Variants in CACNA1B observed in about 807,000 individuals in gnomAD.
The protein encoded by CACNA1B is voltage-dependent N-type calcium channel subunit alpha-1B.
A neutral mutation model predicts 247.2 loss-of-function variants in CACNA1B; 70 were observed. The ratio of observed to expected loss-of-function variants is 0.28; its 90% CI spans 0.23 to 0.35. The LOEUF (loss-of-function observed/expected upper bound fraction) is 0.35, where lower values mean the gene tolerates loss of function less well. CACNA1B is among the 10% of genes least tolerant of loss of function. The pLI is 1.00. For synonymous variants in CACNA1B, 1,231 were observed against 1,294.4 expected, an observed-to-expected ratio of 0.95 and a Z score of 1.05; for missense variants, 2,367 against 3,197.4, an observed-to-expected ratio of 0.74 and a Z score of 6.26.
Position 138,121,083 on chromosome 9 carries a change from C to T in CACNA1B, c.6489+202C>T, listed in dbSNP as rs1962076833. 6.6e-6 allele frequency among the ~76,000 whole-genome samples: 1 copy of T among 152,188 alleles called. No homozygotes were observed. The highest frequency in any genetic ancestry group is 1.5e-5 in the Non-Finnish European group (1 of 68,024). ...CCCCAGCTGTGTTCTCATCAAGCTC[C>T]TGCCTGGGTCACCCTGGGACAGTGG... is the stretch of plus-strand genomic sequence containing the variant. On this transcript the variant is annotated intron_variant, in intron 46 of 46. Transcript: ENST00000371372. This position sits in a 1 kb window ranked among gnomAD's most constrained non-coding sequence, Gnocchi z 6.8.
chr9:137,990,862 G>A lies in CACNA1B; in HGVS notation c.1974+4008G>A, dbSNP rs1958424056. 6.6e-6 allele frequency among the ~76,000 whole-genome samples: 1 copy of A among 152,356 alleles called. No individual in the cohort carries two copies. The highest frequency in any genetic ancestry group is 1.5e-5 in the Non-Finnish European group (1 of 68,044). ...ACCTGCAAGAGCAAAAACAGTCATTGCAGTTTGGCTCTCAGGAAGCCCCAT... is the reference window on the plus strand; with the variant it reads ...ACCTGCAAGAGCAAAAACAGTCATTACAGTTTGGCTCTCAGGAAGCCCCAT... On this transcript the variant is annotated intron_variant, in intron 15 of 46. Transcript: ENST00000371372. This position sits in a 1 kb window ranked among gnomAD's most constrained non-coding sequence, Gnocchi z 4.5.
chr9:138,013,007 A>G, intron 17 of CACNA1B, 122 bp from the exon 18 acceptor site: 1 of 692,524 alleles, frequency 1.4e-6, no homozygotes, highest in Non-Finnish European at 2.4e-6. Context: ...TCTCCACTGG[A>G]TAGAGAGCAG....
intron 36 of CACNA1B, among the ~76,000 whole-genome samples, chr9:138,083,140 C>G (rs1960581681): frequency 1.3e-5 from 2 of 151,180 alleles, no homozygotes; most frequent in African/African-American, 4.9e-5. Context: ...AGAGACAAAG[C>G]CAACACTGCT....
rs772548355 is a variant in CACNA1B, at chr9:137,971,574, C to T, written c.1525C>T (p.Arg509Trp). 7.4e-6 allele frequency: 12 copies of T among 1,612,928 alleles called. No homozygotes were observed. Among genetic ancestry groups the T allele is most frequent in the South Asian group, 3.3e-5 (3 of 90,936 alleles). The change falls in exon 11 of 47, where the codon CGG becomes TGG. Residue 509 changes from arginine to tryptophan, a missense_variant. Arg to Trp is a moderately radical substitution (Grantham distance 101). This residue lies in a region of CACNA1B where 219 missense variants were observed against 297.6 expected (regional missense o/e 0.74). Coordinates refer to ENST00000371372, the MANE Select transcript of CACNA1B (RefSeq NM_000718.4). The surrounding 1 kb of genome is among the most constrained non-coding windows in gnomAD (Gnocchi z 4.4). ...CATGGTGCATTACAACCAGCCGCGG[C>T]GGCTTACCACGACCCTGTGTACGTA... ...VAMVHYNQPR[R>W]LTTTLYFAEF...
chr9:138,120,696 C>T lies in CACNA1B; in HGVS notation c.6304C>T (p.Arg2102Ter), dbSNP rs1175879532. ...GGGGCCTACAGGCTGCCGGCGGGAACGAGAGCGCCGGCAGGAGCGGGGCCG... is the reference window on the plus strand; with the variant it reads ...GGGGCCTACAGGCTGCCGGCGGGAATGAGAGCGCCGGCAGGAGCGGGGCCG... The part of the protein sequence containing the change: ...GEGPTGCRRE[R>*]ERRQERGRSQ... The change falls in exon 46 of 47, where the codon CGA becomes TGA. Residue 2102 changes from arginine to a stop codon, truncating the protein, a stop_gained. Transcript: ENST00000371372. LOFTEE classifies it high-confidence loss of function. The T allele has an allele frequency of 3.3e-6, 5 of 1,517,722 alleles. No individual in the cohort carries two copies. Among genetic ancestry groups the T allele is most frequent in the Non-Finnish European group, 4.4e-6 (5 of 1,137,760 alleles). 94.0% of individuals were successfully genotyped at this position (1,517,722 alleles called of 1,614,324 possible).
At chr9:137,921,289 C>T (rs1192093237) in intron 6 of CACNA1B, among the ~76,000 whole-genome samples, 1 of 150,724 alleles carries the variant, frequency 6.6e-6, no homozygotes. Context: ...GTAAAGCGTT[C>T]GGAGAACATG....
intron 15 of CACNA1B, among the ~76,000 whole-genome samples, chr9:137,989,427 AAG>A (rs1191936110): frequency 2.0e-5 from 3 of 152,260 alleles, no homozygotes; most frequent in African/African-American, 7.2e-5. Context: ...TGAGGTGCGA[AAG>A]AGAGGGTGGC....
intron 10 of CACNA1B, among the ~76,000 whole-genome samples, chr9:137,969,363 C>T (rs1440768072): frequency 6.6e-6 from 1 of 152,202 alleles, no homozygotes; most frequent in Non-Finnish European, 1.5e-5. Flanking sequence ...GTGCCTGTGA[C>T]AGGCGAGGAT....
rs1958674979 is a variant in CACNA1B at position 138,007,986 on chromosome 9, G to A, written c.2092+1102G>A. Among the ~76,000 whole-genome samples, 1 of 150,126 alleles carries A rather than the reference G, an allele frequency of 6.7e-6. No individual in the cohort carries two copies. Among genetic ancestry groups the A allele is most frequent in the South Asian group, 2.2e-4 (1 of 4,618 alleles). On this transcript the variant is annotated intron_variant, in intron 16 of 46. Coordinates refer to ENST00000371372, the MANE Select transcript of CACNA1B (RefSeq NM_000718.4). The surrounding 1 kb of genome is among the most constrained non-coding windows in gnomAD (Gnocchi z 4.1). ...CCTCTCCTAGGCTGGCCCAGCAGGG[G>A]CTCCCTCTCTCAGTCTTGTTAGTCA...
At chr9:137,946,032 G>A (rs1957792199) in intron 6 of CACNA1B, among the ~76,000 whole-genome samples, 1 of 152,062 alleles carries the variant, frequency 6.6e-6, no homozygotes, top group Admixed American at 6.6e-5. Context: ...ATATTGGCCA[G>A]GCTGGTCTCG....
At chr9:137,895,969 G>A (rs1002369995) in intron 3 of CACNA1B, among the ~76,000 whole-genome samples, 1 of 152,210 alleles carries the variant, frequency 6.6e-6, no homozygotes, top group African/African-American at 2.4e-5. Context: ...GCTGGGCGTA[G>A]TGGCTCACGC....
At chr9:137,902,250 C>T (rs13293511) in intron 3 of CACNA1B, among the ~76,000 whole-genome samples, 12,723 of 152,242 alleles carry the variant, frequency 0.084, 643 homozygotes, top group Admixed American at 0.12. Flanking sequence ...CTACCAGGTA[C>T]TGTGCCTGGC....
At chr9:138,068,616 A>T (rs778410091) in intron 31 of CACNA1B, 2 of 518,916 alleles carry the variant, frequency 3.9e-6, no homozygotes, top group Non-Finnish European at 7.7e-6. Context: ...TGGAAACAGA[A>T]ATCTTTATTC....
In CACNA1B at chr9:138,115,660, C is replaced by T. The variant is rs201220041; in HGVS notation, c.5758C>T (p.Leu1920Phe). The change falls in exon 42 of 47, where the codon CTC (leucine) becomes TTC (phenylalanine). Residue 1920 changes from leucine to phenylalanine, a missense_variant. Leu to Phe is a conservative substitution (Grantham distance 22, BLOSUM62 0). This residue lies in a region of CACNA1B where 773 missense variants were observed against 779.4 expected (regional missense o/e 0.99). Transcript: ENST00000371372. The part of the protein sequence containing the change: ...VFLRQKSSTS[L>F]SNGGAIQNQE... The stretch of plus-strand genomic sequence containing the variant: ...CCTTCGACAGAAGAGTTCCACCTCC[C>T]TCAGCAATGGCGGGGCCATGTGAGT... The T allele has an allele frequency of 1.9e-6, 3 of 1,613,424 alleles. No individual in the cohort carries two copies. Among genetic ancestry groups the T allele is most frequent in the South Asian group, 2.2e-5 (2 of 90,962 alleles).
chr9:138,062,891 C>T (rs1009802621), intron 31 of CACNA1B, among the ~76,000 whole-genome samples: 4 of 152,244 alleles, frequency 2.6e-5, no homozygotes, highest in African/African-American at 7.2e-5. Context: ...TCCTAAGTGG[C>T]CTATGCCATC....
intron 31 of CACNA1B, among the ~76,000 whole-genome samples, chr9:138,068,049 TCAG>T (rs1179079461): frequency 6.6e-6 from 1 of 152,164 alleles, no homozygotes; most frequent in Non-Finnish European, 1.5e-5. Context: ...TCCAGTGACA[TCAG>T]CACAGTGTGG....
At chr9:137,985,846 G>T (rs1041152441) in intron 13 of CACNA1B, among the ~76,000 whole-genome samples, 4 of 152,212 alleles carry the variant, frequency 2.6e-5, no homozygotes, top group Non-Finnish European at 5.9e-5. Context: ...AGCGTTGAGG[G>T]ATACCACAGA....
chr9:138,099,322 C>A (rs1178846113), intron 37 of CACNA1B, among the ~76,000 whole-genome samples: 1 of 152,220 alleles, frequency 6.6e-6, no homozygotes, highest in East Asian at 1.9e-4. Context: ...TGTGTGTGCA[C>A]ATATGATTGT....
At chr9:138,047,136 T>C in intron 22 of CACNA1B, 103 bp downstream of exon 22, 3 of 1,094,944 alleles carry the variant, frequency 2.7e-6, no homozygotes, top group Non-Finnish European at 3.9e-6. Flanking sequence ...TCCTGTCGTC[T>C]CACAGGGCAC....
Sources: allele counts gnomAD v4.1 joint callset (sites outside exome capture counted in the v4.1 genomes callset), GRCh38; gene constraint gnomAD v4.1.1; regional missense constraint gnomAD v4.1.1; non-coding constraint Gnocchi (gnomAD v3.1); transcripts MANE v1.5; gene names NCBI Gene and HGNC (gene_info 2026-07-23, HGNC 2026-07-21).